RAPGEF4: variants seen among roughly 807,000 people sequenced by gnomAD.
RAPGEF4 encodes the protein RAP guanine-nucleotide-exchange factor (GEF) 4.
Under a neutral mutation model 147.9 loss-of-function variants are expected in RAPGEF4, and 66 were observed. The ratio of observed to expected loss-of-function variants is 0.45; its 90% confidence interval spans 0.37 to 0.55. RAPGEF4 has a LOEUF of 0.55. Ranked by LOEUF, RAPGEF4 falls within the 20% of genes least tolerant of loss-of-function variation. The probability of loss-of-function intolerance (pLI) is 0.00; values close to 1 mark genes in which losing one functional copy is unlikely to be tolerated. For synonymous variants in RAPGEF4, 419 were observed against 442.7 expected (o/e 0.95, Z 0.67); for missense variants, 1,071 against 1,257.3 (o/e 0.85, Z 2.24).
chr2:172,936,555 T>C (rs1686594368), intron 6 of RAPGEF4, among the ~76,000 whole-genome samples: 1 of 152,118 alleles, frequency 6.6e-6, no homozygotes, highest in South Asian at 2.1e-4. Context: ...TCAACCGTAA[T>C]GTAGAATGAA....
intron 1 of RAPGEF4, among the ~76,000 whole-genome samples, chr2:172,769,548 G>T (rs1697164926): frequency 6.6e-6 from 1 of 152,072 alleles, no homozygotes; most frequent in Non-Finnish European, 1.5e-5. Context: ...GGAGGATCTG[G>T]CCTTTAAGTA....
intron 1 of RAPGEF4, among the ~76,000 whole-genome samples, chr2:172,771,780 A>G (rs1191808153): frequency 2.6e-5 from 4 of 152,142 alleles, no homozygotes; most frequent in Non-Finnish European, 5.9e-5. Context: ...AGAAATGTTT[A>G]TGTGCATCTG....
At chr2:172,948,896 C>G (rs1361413976) in intron 6 of RAPGEF4, among the ~76,000 whole-genome samples, 1 of 152,126 alleles carries the variant, frequency 6.6e-6, no homozygotes, top group African/African-American at 2.4e-5. Flanking sequence ...GTACAACAAA[C>G]TCCCATGACA....
At chr2:172,843,315 G>A (rs1160178769) in intron 4 of RAPGEF4, among the ~76,000 whole-genome samples, 3 of 152,160 alleles carry the variant, frequency 2.0e-5, no homozygotes, top group Non-Finnish European at 4.4e-5. Context: ...AAAAATATAG[G>A]CTCTATCCTT....
chr2:173,041,961 C>T (rs1163146815), intron 29 of RAPGEF4, among the ~76,000 whole-genome samples: 1 of 152,214 alleles, frequency 6.6e-6, no homozygotes, highest in Non-Finnish European at 1.5e-5. Flanking sequence ...TCCCTGATCT[C>T]CCCTCCTCCC....
intron 29 of RAPGEF4, among the ~76,000 whole-genome samples, chr2:173,043,019 A>G (rs1684958349): frequency 6.6e-6 from 1 of 152,116 alleles, no homozygotes; most frequent in Admixed American, 6.5e-5. Context: ...ATTCCCTTTT[A>G]TCTCTGGTCC....
chr2:172,856,344 ATGTCCTTGAG>A (rs1693412384), intron 4 of RAPGEF4, among the ~76,000 whole-genome samples: 1 of 152,060 alleles, frequency 6.6e-6, no homozygotes, highest in African/African-American at 2.4e-5. Flanking sequence ...GATTTCTTTT[ATGTCCTTGAG>A]CACTTAGTTA....
chr2:172,795,297 G>C, intron 2 of RAPGEF4, 130 bp downstream of exon 2: 1 of 918,400 alleles, frequency 1.1e-6, no homozygotes, highest in Non-Finnish European at 1.7e-6. Flanking sequence ...AAGTATTAAG[G>C]TGACATTTCC....
At chr2:172,838,969 T>C (rs1245514095) in intron 4 of RAPGEF4, among the ~76,000 whole-genome samples, 1 of 152,164 alleles carries the variant, frequency 6.6e-6, no homozygotes, top group African/African-American at 2.4e-5. Flanking sequence ...CAAGTTCTTC[T>C]TCCCATGCAT....
At position 172,905,386 on chromosome 2, in the gene RAPGEF4, G is replaced by C. The variant is rs191182600; in HGVS notation, c.445-12416G>C. On this transcript the variant is annotated intron_variant, in intron 4 of 30. Coordinates refer to ENST00000397081, the MANE Select transcript of RAPGEF4 (RefSeq NM_007023.4). ...ATTTGTTGACTGACTAAATGAGTGT[G>C]GATTTATTCTGCTGTTGCTGCAGGA... Among the ~76,000 whole-genome samples, 245 of 152,252 alleles carry C rather than the reference G, an allele frequency of 1.6e-3. 4 individuals carry two copies. In the South Asian group the frequency reaches 0.026, roughly 16 times the overall value.
chr2:172,964,982 G>A (rs1329449515), intron 8 of RAPGEF4, among the ~76,000 whole-genome samples: 2 of 152,164 alleles, frequency 1.3e-5, no homozygotes, highest in African/African-American at 4.8e-5. Flanking sequence ...AAGTGCTAAT[G>A]CTCATTACAC....
intron 15 of RAPGEF4, among the ~76,000 whole-genome samples, chr2:172,993,614 G>T (rs1388964346): frequency 2.6e-5 from 4 of 151,936 alleles, no homozygotes; most frequent in African/African-American, 4.8e-5. Context: ...GTCTTCAAGT[G>T]GTCCTGACCT....
intron 3 of RAPGEF4, among the ~76,000 whole-genome samples, chr2:172,813,077 A>G (rs1224569039): frequency 1.3e-5 from 2 of 152,200 alleles, no homozygotes; most frequent in Non-Finnish European, 2.9e-5. Flanking sequence ...ACATAATTTT[A>G]TATGGTAATA....
intron 1 of RAPGEF4, among the ~76,000 whole-genome samples, chr2:172,741,765 G>A (rs1694318839): frequency 6.6e-6 from 1 of 152,188 alleles, no homozygotes; most frequent in African/African-American, 2.4e-5. Flanking sequence ...TTGACCTCCT[G>A]GGTTCAAACG....
chr2:172,826,089 C>T (rs1239007948), intron 4 of RAPGEF4, among the ~76,000 whole-genome samples: 4 of 152,158 alleles, frequency 2.6e-5, no homozygotes, highest in Non-Finnish European at 5.9e-5. Flanking sequence ...CTCCTCTAGC[C>T]GTTGGGTGTC....
chr2:173,013,299 G>A (rs578101260), intron 17 of RAPGEF4, among the ~76,000 whole-genome samples: 3 of 152,292 alleles, frequency 2.0e-5, no homozygotes, highest in East Asian at 1.9e-4. Context: ...GGGGCTTTGG[G>A]TAATGGGAAG....
chr2:173,009,205 A>G (rs1694780781), intron 17 of RAPGEF4, among the ~76,000 whole-genome samples: 2 of 152,372 alleles, frequency 1.3e-5, no homozygotes, highest in South Asian at 4.1e-4. Flanking sequence ...TGTATTTGAC[A>G]TCTTGACAAG....
intron 4 of RAPGEF4, among the ~76,000 whole-genome samples, chr2:172,825,188 C>A (rs1689532294): frequency 6.6e-6 from 1 of 152,232 alleles, no homozygotes; most frequent in African/African-American, 2.4e-5. Context: ...ATAGCTTAGC[C>A]TATCCCACCT....
chr2:172,859,538 C>G (rs938606042), intron 4 of RAPGEF4, among the ~76,000 whole-genome samples: 1 of 152,192 alleles, frequency 6.6e-6, no homozygotes, highest in Non-Finnish European at 1.5e-5. Context: ...TTTGATGGAT[C>G]TGCCCAAATT....
Sources: gnomAD v4.1 joint callset for allele counts (sites outside exome capture counted in the v4.1 genomes callset) on GRCh38, gnomAD v4.1.1 for gene constraint, MANE v1.5 for transcripts, NCBI Gene and HGNC (gene_info 2026-07-23, HGNC 2026-07-21) for gene names.